The following KCTD7 variants were observed in gnomAD, a reference collection of about 807,000 sequenced individuals.
KCTD7 encodes the protein potassium channel tetramerization domain containing 7.
In KCTD7, 15 loss-of-function variants were observed where a neutral mutation model predicts 27.0. That is an observed-to-expected ratio of 0.56 (90% CI 0.37 to 0.86). KCTD7 has a LOEUF of 0.86. Ranked by LOEUF, KCTD7 falls within the 40% of genes least tolerant of loss-of-function variation. The pLI is 0.00. For synonymous variants in KCTD7, 159 were observed against 162.7 expected (o/e 0.98, Z 0.17); for missense variants, 299 against 398.9 (o/e 0.75, Z 2.13).
rs569585934 is a variant in KCTD7 at position 66,632,356 on chromosome 7, A to G, written c.145-919A>G. On this transcript the variant is annotated intron_variant, in intron 1 of 3. Coordinates refer to ENST00000639828, the MANE Select transcript of KCTD7 (RefSeq NM_153033.5). Reference sequence around the variant, plus strand: ...CAAAAAATTAGCCAGTCGTGGTGGCAGGCACCTGTAGTCCCAGCTACTCGG... The same window carrying G: ...CAAAAAATTAGCCAGTCGTGGTGGCGGGCACCTGTAGTCCCAGCTACTCGG... 4.6e-5 allele frequency among the ~76,000 whole-genome samples: 7 copies of G among 151,816 alleles called. No individual in the cohort carries two copies. The East Asian group carries it at 7.8e-4, about 17-fold the overall frequency.
intron 2 of KCTD7, among the ~76,000 whole-genome samples, chr7:66,634,787 T>C (rs1374332063): frequency 7.0e-6 from 1 of 142,856 alleles, no homozygotes; most frequent in Non-Finnish European, 1.5e-5. Flanking sequence ...GGAAAGTCTT[T>C]AAAAAAAAAA....
At chr7:66,634,111 TAC>T (rs1427810468) in intron 2 of KCTD7, among the ~76,000 whole-genome samples, 242 of 82,750 alleles carry the variant, frequency 2.9e-3, no homozygotes, top group Non-Finnish European at 3.3e-3. Context: ...GGTGTGTGTA[TAC>T]ATATATATAT....
Position 66,642,932 on chromosome 7 carries a change from G to A in KCTD7, c.*3700G>A, listed in dbSNP as rs1464418026. The A allele has an allele frequency of 1.0e-5, 10 of 985,346 alleles. No homozygotes were observed. The highest frequency in any genetic ancestry group is 9.6e-6 in the Non-Finnish European group (8 of 829,994). The allele number at this position is 985,346 out of a possible 1,614,324, so 61.0% of individuals were successfully genotyped here. On this transcript the variant is annotated 3_prime_UTR_variant, in exon 4 of 4. Coordinates refer to ENST00000639828, the MANE Select transcript of KCTD7 (RefSeq NM_153033.5). Reference sequence around the variant, plus strand: ...GTCCGTCGTCTTCCTTCTGTATGGTGTTGGGTTTATGTACACACTATAACA... The same window carrying A: ...GTCCGTCGTCTTCCTTCTGTATGGTATTGGGTTTATGTACACACTATAACA...
In KCTD7 at chr7:66,638,308, G is replaced by A; in HGVS notation, c.370G>A (p.Ala124Thr). Reference sequence around the variant, plus strand: ...CCTCCCACCCAGGGAGCGTGTTCGAGCTGTGTACAAAGAGGCCCAGTACTA... The same window carrying A: ...CCTCCCACCCAGGGAGCGTGTTCGAACTGTGTACAAAGAGGCCCAGTACTA... ...GDLPPRERVR[A>T]VYKEAQYYAI... Residue 124 changes from alanine to threonine, a missense_variant, in exon 3 of 4, where the codon GCT becomes ACT. Physicochemically the swap from Ala to Thr is moderately conservative, Grantham distance 58. Transcript: ENST00000639828. 1.2e-6 allele frequency: 2 copies of A among 1,614,224 alleles called. No homozygotes were observed. Among genetic ancestry groups the A allele is most frequent in the Middle Eastern group, 1.6e-4 (1 of 6,062 alleles).
At chr7:66,634,516 G>A (rs972990258) in intron 2 of KCTD7, among the ~76,000 whole-genome samples, 1 of 152,056 alleles carries the variant, frequency 6.6e-6, no homozygotes, top group Admixed American at 6.6e-5. Flanking sequence ...GAGACTACAG[G>A]TGTGCGCCAC....
Position 66,628,901 on chromosome 7 carries a change from G to A in KCTD7, c.-164G>A, listed in dbSNP as rs1786372438. The stretch of plus-strand genomic sequence containing the variant: ...GCCCCAGCTGGGCGCGAGCGGGTCG[G>A]CGTTGAGGGAGCCACCGCCCTCCCG... On this transcript the variant is annotated 5_prime_UTR_variant, in exon 1 of 4. Coordinates refer to ENST00000639828, the MANE Select transcript of KCTD7 (RefSeq NM_153033.5). The A allele has an allele frequency of 1.7e-6, 1 of 590,332 alleles. No homozygotes were observed. Among genetic ancestry groups the A allele is most frequent in the Non-Finnish European group, 2.6e-6 (1 of 389,304 alleles). 36.6% of individuals were successfully genotyped at this position (590,332 alleles called of 1,614,324 possible).
chr7:66,640,605 T>A lies in KCTD7; in HGVS notation c.*1373T>A. 7.2e-7 allele frequency: 1 copy of A among 1,392,534 alleles called. No homozygotes were observed. The highest frequency in any genetic ancestry group is 9.3e-7 in the Non-Finnish European group (1 of 1,078,546). The allele number at this position is 1,392,534 out of a possible 1,614,324, so 86.3% of individuals were successfully genotyped here. A position where few individuals can be genotyped will look rare whatever the true frequency, so the allele number is the denominator to read the frequency against. Reference sequence around the variant, plus strand: ...GTCTCTTCCTGGGTAAAGGGAGATTTTTTTTTTTAATGTGTAAAGAATTGA... The same window carrying A: ...GTCTCTTCCTGGGTAAAGGGAGATTATTTTTTTTAATGTGTAAAGAATTGA... On this transcript the variant is annotated 3_prime_UTR_variant, in exon 4 of 4. Coordinates refer to ENST00000639828, the MANE Select transcript of KCTD7 (RefSeq NM_153033.5).
Position 66,640,112 on chromosome 7 carries a change from T to A in KCTD7, c.*880T>A, listed in dbSNP as rs117143942. ...GAACACCTCCTTGGCTGCTATCTCA[T>A]GTGTTAGAATCCAGTTTGTGGTGAA... is the stretch of plus-strand genomic sequence containing the variant. On this transcript the variant is annotated 3_prime_UTR_variant, in exon 4 of 4. Coordinates refer to ENST00000639828, the MANE Select transcript of KCTD7 (RefSeq NM_153033.5). 32 of 1,330,274 alleles carry A rather than the reference T, an allele frequency of 2.4e-5. No individual in the cohort carries two copies. The highest frequency in any genetic ancestry group is 2.9e-5 in the Non-Finnish European group (30 of 1,046,664). The allele number at this position is 1,330,274 out of a possible 1,614,324, so 82.4% of individuals were successfully genotyped here.
In KCTD7 at chr7:66,628,886, G is replaced by T. The variant is rs1057134650; in HGVS notation, c.-179G>T. The T allele has an allele frequency of 2.4e-5, 12 of 497,036 alleles. No homozygotes were observed. Among genetic ancestry groups the T allele is most frequent in the African/African-American group, 6.1e-5 (3 of 48,884 alleles). 30.8% of individuals were successfully genotyped at this position (497,036 alleles called of 1,614,324 possible). A position where few individuals can be genotyped will look rare whatever the true frequency, so the allele number is the denominator to read the frequency against. On this transcript the variant is annotated 5_prime_UTR_variant, in exon 1 of 4. Coordinates refer to ENST00000639828, the MANE Select transcript of KCTD7 (RefSeq NM_153033.5). ...AGGCGGTCGGGTCAGGCCCCAGCTG[G>T]GCGCGAGCGGGTCGGCGTTGAGGGA...
At position 66,642,599 on chromosome 7, in the gene KCTD7, T is replaced by A. The variant is rs1786745885; in HGVS notation, c.*3367T>A. 1.0e-6 allele frequency: 1 copy of A among 985,334 alleles called. No individual in the cohort carries two copies. Among genetic ancestry groups the A allele is most frequent in the Non-Finnish European group, 1.2e-6 (1 of 829,916 alleles). The allele number at this position is 985,334 out of a possible 1,614,324, so 61.0% of individuals were successfully genotyped here. A position where few individuals can be genotyped will look rare whatever the true frequency, so the allele number is the denominator to read the frequency against. ...AGTAATATTTCAAATATTGTCCTTC[T>A]GCATATGTTCTATCCATATTTGATT... On this transcript the variant is annotated 3_prime_UTR_variant, in exon 4 of 4. Transcript: ENST00000639828.
intron 1 of KCTD7, 21 bp downstream of exon 1, chr7:66,629,229 C>T: frequency 7.6e-6 from 10 of 1,321,508 alleles, no homozygotes; most frequent in Non-Finnish European, 9.7e-6. Flanking sequence ...GGGCGGCGGG[C>T]CGCGGGGCGT....
At chr7:66,631,706 GAA>G (rs34184629) in intron 1 of KCTD7, among the ~76,000 whole-genome samples, 8 of 144,436 alleles carry the variant, frequency 5.5e-5, no homozygotes, top group South Asian at 2.2e-4. Context: ...TGCAAAACAG[GAA>G]AAAAAAAAAA....
chr7:66,639,585 A>G lies in KCTD7; in HGVS notation c.*353A>G, dbSNP rs1786667218. 1 of 1,351,334 alleles carries G rather than the reference A, an allele frequency of 7.4e-7. No homozygotes were observed. Among genetic ancestry groups the G allele is most frequent in the Non-Finnish European group, 9.5e-7 (1 of 1,047,362 alleles). 83.7% of individuals were successfully genotyped at this position (1,351,334 alleles called of 1,614,324 possible). A position where few individuals can be genotyped will look rare whatever the true frequency, so the allele number is the denominator to read the frequency against. ...GAGAGTTTCTGCCCATTTTAGAGCC[A>G]CGTTACCAAATCGATGTAGGCCTAA... On this transcript the variant is annotated 3_prime_UTR_variant, in exon 4 of 4. Coordinates refer to ENST00000639828, the MANE Select transcript of KCTD7 (RefSeq NM_153033.5).
In KCTD7 at chr7:66,639,263, G is replaced by A. The variant is rs951958149; in HGVS notation, c.*31G>A. 7 of 1,604,404 alleles carry A rather than the reference G, an allele frequency of 4.4e-6. No homozygotes were observed. The African/African-American group carries it at 9.3e-5, about 21-fold the overall frequency. On this transcript the variant is annotated 3_prime_UTR_variant, in exon 4 of 4. Transcript: ENST00000639828. ...CCCGGTAGGCGAGAGTCCCATCAGG[G>A]AGGATGTCCACCTTGCTTGGTGGCT...
chr7:66,630,402 G>A (rs1276788639), intron 1 of KCTD7, among the ~76,000 whole-genome samples: 1 of 152,158 alleles, frequency 6.6e-6, no homozygotes, highest in African/African-American at 2.4e-5. Context: ...ACCAGCTTGG[G>A]CAACACAGAC....
In KCTD7 at chr7:66,629,019, C is replaced by G. The variant is rs886062412; in HGVS notation, c.-46C>G. 2.7e-6 allele frequency: 4 copies of G among 1,476,832 alleles called. No individual in the cohort carries two copies. The highest frequency in any genetic ancestry group is 4.7e-5 in the Admixed American group (2 of 42,972). 91.5% of individuals were successfully genotyped at this position (1,476,832 alleles called of 1,614,324 possible). A position where few individuals can be genotyped will look rare whatever the true frequency, so the allele number is the denominator to read the frequency against. On this transcript the variant is annotated 5_prime_UTR_variant, in exon 1 of 4. Coordinates refer to ENST00000639828, the MANE Select transcript of KCTD7 (RefSeq NM_153033.5). ...GGCGGTAGGGAGTGCCCGGGGCCGC[C>G]GCCTCCGCCCGCCCGAAGCCGCGCC...
chr7:66,635,984 T>C (rs879894748), intron 2 of KCTD7, among the ~76,000 whole-genome samples: 227 of 147,930 alleles, frequency 1.5e-3, no homozygotes, highest in East Asian at 2.2e-3. Flanking sequence ...GTGCCCATGC[T>C]CAGGTGGCCA....
At chr7:66,634,702 C>T (rs1786545348) in intron 2 of KCTD7, among the ~76,000 whole-genome samples, 2 of 151,866 alleles carry the variant, frequency 1.3e-5, no homozygotes, top group South Asian at 2.1e-4. Context: ...CAGTGGTTAC[C>T]AGACTTCTTT....
In KCTD7 at chr7:66,640,822, C is replaced by T; in HGVS notation, c.*1590C>T. 1 of 978,914 alleles carries T rather than the reference C, an allele frequency of 1.0e-6. No homozygotes were observed. The highest frequency in any genetic ancestry group is 1.2e-6 in the Non-Finnish European group (1 of 822,528). The allele number at this position is 978,914 out of a possible 1,614,324, so 60.6% of individuals were successfully genotyped here. A position where few individuals can be genotyped will look rare whatever the true frequency, so the allele number is the denominator to read the frequency against. Reference sequence around the variant, plus strand: ...AGCCACTGTGCTCCAGCCTGGGCAACACCATCGTAAAAATAAATAAATAAA... The same window carrying T: ...AGCCACTGTGCTCCAGCCTGGGCAATACCATCGTAAAAATAAATAAATAAA... On this transcript the variant is annotated 3_prime_UTR_variant, in exon 4 of 4. Coordinates refer to ENST00000639828, the MANE Select transcript of KCTD7 (RefSeq NM_153033.5).
Sources: gnomAD v4.1 joint callset for allele counts (sites outside exome capture counted in the v4.1 genomes callset) on GRCh38, gnomAD v4.1.1 for gene constraint, MANE v1.5 for transcripts, NCBI Gene and HGNC (gene_info 2026-07-23, HGNC 2026-07-21) for gene names.